Variants in SHB observed in about 807,000 individuals in gnomAD.
SHB encodes SH2 domain containing adaptor protein B, also known as SH2 domain-containing adapter protein B.
SHB carries 20 observed loss-of-function variants against 52.3 expected under a neutral mutation model. The observed-to-expected ratio is 0.38, with a 90% CI of 0.27 to 0.56. The LOEUF is 0.56. Among genes scored for constraint, SHB ranks in the 20% least tolerant of loss-of-function variants. The pLI, the probability that SHB is intolerant of heterozygous loss-of-function variation, is 0.71. For synonymous variants in SHB, 397 were observed against 316.5 expected (o/e 1.25, Z -2.70); for missense variants, 825 against 723.3 (o/e 1.14, Z -1.61).
rs779864653 is a variant in SHB at position 37,918,421 on chromosome 9, CTGTGTGTG to C, written c.*1392_*1399del. 4.3e-5 allele frequency among the ~76,000 whole-genome samples: 4 copies of C among 92,050 alleles called. No individual in the cohort carries two copies. Among genetic ancestry groups the C allele is most frequent in the Admixed American group, 2.3e-4 (2 of 8,822 alleles). The allele number at this position is 92,050 out of a possible 152,430, so 60.4% of individuals were successfully genotyped here. ...TGGAAGCAGTGTGGACCACTGAGGG[CTGTGTGTG>C]TGTGTGTGTGTGTGTGTAGGTGTTC... On this transcript the variant is annotated 3_prime_UTR_variant, in exon 6 of 6. Transcript: ENST00000377707.
chr9:37,925,785 A>G (rs1477704551), intron 5 of SHB, among the ~76,000 whole-genome samples: 1 of 152,230 alleles, frequency 6.6e-6, no homozygotes, highest in Non-Finnish European at 1.5e-5. Flanking sequence ...AAACATTTAA[A>G]TCTTACATTG....
intron 1 of SHB, among the ~76,000 whole-genome samples, chr9:38,060,436 G>C (rs1821877888): frequency 6.6e-6 from 1 of 151,740 alleles, no homozygotes. Context: ...CTCCCAATGT[G>C]CTGGGATTAC....
At chr9:37,971,192 T>C (rs1230348290) in intron 3 of SHB, among the ~76,000 whole-genome samples, 2 of 152,132 alleles carry the variant, frequency 1.3e-5, no homozygotes, top group East Asian at 3.9e-4. Context: ...CAAGTGTGAG[T>C]GCATACACTT....
intron 1 of SHB, among the ~76,000 whole-genome samples, chr9:38,021,875 T>G (rs1486579128): frequency 6.6e-6 from 1 of 152,152 alleles, no homozygotes; most frequent in African/African-American, 2.4e-5. Context: ...GCACGTCGCA[T>G]CTGCACATCC....
intron 3 of SHB, among the ~76,000 whole-genome samples, chr9:37,969,371 G>A (rs1393169795): frequency 6.6e-6 from 1 of 152,166 alleles, no homozygotes; most frequent in Non-Finnish European, 1.5e-5. Context: ...GTAAAAGGAG[G>A]AAACTAACCT....
chr9:37,969,290 G>C (rs1820566308), intron 3 of SHB, among the ~76,000 whole-genome samples: 1 of 152,178 alleles, frequency 6.6e-6, no homozygotes. Context: ...GTCCGGCTCT[G>C]CTGCTGACCA....
At chr9:37,929,175 G>A (rs558218035) in intron 5 of SHB, among the ~76,000 whole-genome samples, 2 of 152,322 alleles carry the variant, frequency 1.3e-5, no homozygotes, top group African/African-American at 2.4e-5. Context: ...GGGAAGTAGA[G>A]CTTTCACTGT....
intron 2 of SHB, among the ~76,000 whole-genome samples, chr9:38,003,184 G>A (rs1021531157): frequency 1.3e-5 from 2 of 152,108 alleles, no homozygotes; most frequent in Non-Finnish European, 2.9e-5. Context: ...GGGGATGAGA[G>A]TGAGAAGGGG....
intron 3 of SHB, among the ~76,000 whole-genome samples, chr9:37,968,029 C>T (rs772696894): frequency 7.9e-5 from 12 of 152,204 alleles, no homozygotes; most frequent in Admixed American, 3.9e-4. Context: ...ATCCGTGCTT[C>T]CCATTGCCAG....
At chr9:38,060,595 A>G (rs754982614) in intron 1 of SHB, among the ~76,000 whole-genome samples, 2 of 152,244 alleles carry the variant, frequency 1.3e-5, no homozygotes, top group Non-Finnish European at 2.9e-5. Context: ...TGAGGAGTAA[A>G]GTTACATACA....
At chr9:38,048,442 T>A (rs1821687793) in intron 1 of SHB, among the ~76,000 whole-genome samples, 1 of 152,198 alleles carries the variant, frequency 6.6e-6, no homozygotes, top group Admixed American at 6.5e-5. Flanking sequence ...GAGATCAGCC[T>A]GGGCAGCACA....
intron 1 of SHB, among the ~76,000 whole-genome samples, chr9:38,036,105 G>C (rs1821482785): frequency 6.6e-6 from 1 of 152,120 alleles, no homozygotes; most frequent in Non-Finnish European, 1.5e-5. Flanking sequence ...GCAGCACCCA[G>C]GCACAGACAG....
chr9:38,030,302 C>T (rs2118112353), intron 1 of SHB, among the ~76,000 whole-genome samples: 1 of 152,330 alleles, frequency 6.6e-6, no homozygotes. Context: ...CCAGAGCGCA[C>T]ACTCTGTAGA....
chr9:38,050,503 A>AT lies in SHB; in HGVS notation c.717+17425dup, dbSNP rs201705589. Among the ~76,000 whole-genome samples, 689 of 151,708 alleles carry AT rather than the reference A, an allele frequency of 4.5e-3. 2 individuals carry two copies. The highest frequency in any genetic ancestry group is 0.014 in the African/African-American group (576 of 41,360). ...GGAAGCCCTGATTTCCCTTTTTGGG[A>AT]TTTTTTTTTAAAGAAAAGTCTGGGA... On this transcript the variant is annotated intron_variant, in intron 1 of 5. Transcript: ENST00000377707.
At chr9:37,990,505 C>A (rs1194342193) in intron 2 of SHB, among the ~76,000 whole-genome samples, 10 of 152,122 alleles carry the variant, frequency 6.6e-5, no homozygotes, top group Non-Finnish European at 1.0e-4. Flanking sequence ...CAGCCTTTTG[C>A]AAATTCAGAA....
At chr9:37,923,757 G>A (rs2118457620) in intron 5 of SHB, among the ~76,000 whole-genome samples, 1 of 152,292 alleles carries the variant, frequency 6.6e-6, no homozygotes, top group South Asian at 2.1e-4. Flanking sequence ...CATGTATTCT[G>A]AGCTGCAAGC....
chr9:37,988,085 C>A (rs975889380), intron 2 of SHB, among the ~76,000 whole-genome samples: 1 of 152,226 alleles, frequency 6.6e-6, no homozygotes, highest in Non-Finnish European at 1.5e-5. Context: ...GTGCCCAGTG[C>A]CCAGCACAGC....
intron 2 of SHB, among the ~76,000 whole-genome samples, chr9:37,994,828 T>C (rs1037721915): frequency 6.6e-6 from 1 of 152,126 alleles, no homozygotes; most frequent in East Asian, 1.9e-4. Flanking sequence ...ATATCAGTCA[T>C]GTATGCTGCC....
At chr9:38,021,891 C>T (rs544564805) in intron 1 of SHB, among the ~76,000 whole-genome samples, 2 of 152,210 alleles carry the variant, frequency 1.3e-5, no homozygotes, top group African/African-American at 4.8e-5. Flanking sequence ...CATCCGCCAC[C>T]CTGCTAAGGC....
Sources: allele counts gnomAD v4.1 joint callset (sites outside exome capture counted in the v4.1 genomes callset), GRCh38; gene constraint gnomAD v4.1.1; transcripts MANE v1.5; gene names NCBI Gene and HGNC (gene_info 2026-07-23, HGNC 2026-07-21).